The following TTN variants were observed in gnomAD, a reference collection of about 807,000 sequenced individuals.
TTN encodes titin, also known as connectin.
Under a neutral mutation model 3,223.0 loss-of-function variants are expected in TTN, and 1,525 were observed. The observed-to-expected ratio is 0.47, with a 90% CI of 0.45 to 0.49. TTN has a LOEUF of 0.49. Ranked by LOEUF, TTN falls within the 20% of genes least tolerant of loss-of-function variation. The pLI is 0.00. For synonymous variants in TTN, 14,094 were observed against 15,161.0 expected, an observed-to-expected ratio of 0.93 and a Z score of 5.17; for missense variants, 40,786 against 43,424.0, an observed-to-expected ratio of 0.94 and a Z score of 5.40.
intron 45 of TTN, 54 bp downstream of exon 45, chr2:178,757,488 T>C (rs146021726): frequency 6.0e-6 from 9 of 1,488,042 alleles, no homozygotes; most frequent in Non-Finnish European, 8.0e-6. Flanking sequence ...TTAGTAACAG[T>C]GGGACTGAGA....
intron 88 of TTN, among the ~76,000 whole-genome samples, chr2:178,716,035 C>T (rs1490695991): frequency 1.3e-5 from 2 of 152,068 alleles, no homozygotes; most frequent in Non-Finnish European, 2.9e-5. Flanking sequence ...CCATCCTCTC[C>T]CCAGCAAAAG....
In TTN at chr2:178,589,515, T is replaced by G; in HGVS notation, c.62210A>C (p.Gln20737Pro). The change falls in exon 304 of 363, where the codon CAG (glutamine) becomes CCG (proline). Residue 20737 changes from glutamine (Q) to proline (P), a missense_variant. By Grantham distance (76) the Gln-to-Pro change is moderately conservative. Transcript: ENST00000589042. The stretch of plus-strand genomic sequence containing the variant: ...TGTTTGCACTCTGAACTCATAAATC[T>G]GGTTTTCAACACATCTGTCAACCAT... ...HYMVDRCVENQIYEFRVQTKN... is the reference protein window; with the variant it reads ...HYMVDRCVENPIYEFRVQTKN... 6.2e-7 allele frequency: 1 copy of G among 1,613,428 alleles called. No individual in the cohort carries two copies. Among genetic ancestry groups the G allele is most frequent in the Non-Finnish European group, 8.5e-7 (1 of 1,179,612 alleles).
At position 178,553,158 on chromosome 2, in the gene TTN, T is replaced by C. The variant is rs1230340692; in HGVS notation, c.89742A>G (p.Ile29914Met). ...ACTTAGGTTCACCAACTCCATTTTC[T>C]ATTGTGAGAATATATTTTCCTGTAT... ...RNDTGKYILT[I>M]ENGVGEPKSS... Residue 29914 changes from isoleucine (I) to methionine (M), a missense_variant, in exon 335 of 363, where the codon ATA becomes ATG. Physicochemically the swap from Ile to Met is conservative, Grantham distance 10 (BLOSUM62 1). Coordinates refer to ENST00000589042, the MANE Select transcript of TTN (RefSeq NM_001267550.2). 5 of 1,613,508 alleles carry C rather than the reference T, an allele frequency of 3.1e-6. No homozygotes were observed. Among genetic ancestry groups the C allele is most frequent in the Non-Finnish European group, 4.2e-6 (5 of 1,179,480 alleles).
In TTN at chr2:178,556,459, A is replaced by AAACAAACAAAC. The variant is rs1427180876; in HGVS notation, c.88306+388_88306+389insGTTTGTTTGTT. 47 of 203,512 alleles carry AAACAAACAAAC rather than the reference A, an allele frequency of 2.3e-4. No homozygotes were observed. The East Asian group carries it at 2.7e-3, about 12-fold the overall frequency. The allele number at this position is 203,512 out of a possible 1,614,324, so 12.6% of individuals were successfully genotyped here. On this transcript the variant is annotated intron_variant, in intron 330 of 362. Transcript: ENST00000589042. The stretch of plus-strand genomic sequence containing the variant: ...ACAAACAAACAAACAAACAAACAAA[A>AAACAAACAAAC]AAAAAAAAACCAAAAAATGAAGTCT...
In TTN at chr2:178,740,144, G is replaced by A. The variant is rs555324138; in HGVS notation, c.13089C>T (p.Pro4363=). The part of the protein sequence containing the change: ...PDQIIESKRE[P]VAIKKVQEVQ... The stretch of plus-strand genomic sequence containing the variant: ...CCTCCTGCACTTTCTTTATTGCCAC[G>A]GGCTCTCTTTTAGACTCAATGATTT... Residue 4363 remains proline (P), a synonymous_variant, in exon 48 of 363, where the codon CCC becomes CCT. Transcript: ENST00000589042. 24 of 1,613,722 alleles carry A rather than the reference G, an allele frequency of 1.5e-5. No homozygotes were observed. The East Asian group carries it at 1.6e-4, about 10-fold the overall frequency.
In TTN at chr2:178,732,438, A is replaced by C. The variant is rs2080718273; in HGVS notation, c.16621+2T>G. On this transcript the variant is annotated splice_donor_variant, in intron 56 of 362. Coordinates refer to ENST00000589042, the MANE Select transcript of TTN (RefSeq NM_001267550.2). LOFTEE classifies it high-confidence loss of function. ...CAAAGATGTCAAGAAAACAATGCAA[A>C]CCTTTTACAAACAAGTTTGCACTGC... 6.3e-7 allele frequency: 1 copy of C among 1,596,198 alleles called. No individual in the cohort carries two copies. Among genetic ancestry groups the C allele is most frequent in the African/African-American group, 1.4e-5 (1 of 74,004 alleles).
chr2:178,605,724 A>C lies in TTN; in HGVS notation c.53582-11T>G, dbSNP rs1415839518. On this transcript the variant is annotated splice_polypyrimidine_tract_variant and intron_variant, in intron 278 of 362. Transcript: ENST00000589042. ...GAGATGTTGGAGGACCTTTAGCCAGAGGCAAGTGAAAATGATTAGCATGAG... is the reference window on the plus strand; with the variant it reads ...GAGATGTTGGAGGACCTTTAGCCAGCGGCAAGTGAAAATGATTAGCATGAG... 2.7e-6 allele frequency: 4 copies of C among 1,460,928 alleles called. No individual in the cohort carries two copies. The highest frequency in any genetic ancestry group is 3.6e-6 in the Non-Finnish European group (4 of 1,102,056). The allele number at this position is 1,460,928 out of a possible 1,614,324, so 90.5% of individuals were successfully genotyped here.
Position 178,568,259 on chromosome 2 carries a change from C to A in TTN, c.77873G>T (p.Gly25958Val). The change falls in exon 326 of 363, where the codon GGT (glycine) becomes GTT (valine). Residue 25958 changes from glycine (G) to valine (V), a missense_variant. Coordinates refer to ENST00000589042, the MANE Select transcript of TTN (RefSeq NM_001267550.2). ...TTLKVTKLKT[G>V]TEYQFRIFAE... is the part of the protein sequence containing the mutation. The stretch of plus-strand genomic sequence containing the variant: ...AAATATTCTAAATTGGTATTCTGTA[C>A]CAGTTTTCAGTTTGGTCACTTTGAG... The A allele has an allele frequency of 6.2e-7, 1 of 1,613,488 alleles. No homozygotes were observed. The highest frequency in any genetic ancestry group is 8.5e-7 in the Non-Finnish European group (1 of 1,179,606).
Position 178,717,319 on chromosome 2 carries a change from C to G in TTN, c.25415G>C (p.Ser8472Thr), listed in dbSNP as rs374912661. Residue 8472 changes from serine to threonine, a missense_variant, in exon 88 of 363, where the codon AGT (serine) becomes ACT (threonine). Coordinates refer to ENST00000589042, the MANE Select transcript of TTN (RefSeq NM_001267550.2). ...PVSVDLALGE[S>T]GTFKCHVTGT... ...AGTTACATGACATTTAAAAGTACCA[C>G]TTTCTCCAAGAGCAAGATCTACTGA... 36 of 1,613,500 alleles carry G rather than the reference C, an allele frequency of 2.2e-5. No individual in the cohort carries two copies. Among genetic ancestry groups the G allele is most frequent in the Admixed American group, 5.0e-5 (3 of 59,988 alleles).
In TTN at chr2:178,569,939, T is replaced by A; in HGVS notation, c.76193A>T (p.Lys25398Met). The change falls in exon 326 of 363, where the codon AAG becomes ATG. Residue 25398 changes from lysine (K) to methionine (M), a missense_variant. Coordinates refer to ENST00000589042, the MANE Select transcript of TTN (RefSeq NM_001267550.2). ...TGGTTTATAAATAGGATCACAAGCC[T>A]TTTGGTAAGCAGAAGGAGGGCTTGG... ...SEPSPPSAYQ[K>M]ACDPIYKPGP... The A allele has an allele frequency of 6.2e-7, 1 of 1,612,918 alleles. No homozygotes were observed. The highest frequency in any genetic ancestry group is 8.5e-7 in the Non-Finnish European group (1 of 1,179,306).
In TTN at chr2:178,672,494, A is replaced by C. The variant is rs1233248411; in HGVS notation, c.34856-13T>G. 2.5e-6 allele frequency: 4 copies of C among 1,601,994 alleles called. No homozygotes were observed. Among genetic ancestry groups the C allele is most frequent in the East Asian group, 2.2e-5 (1 of 44,812 alleles). On this transcript the variant is annotated splice_polypyrimidine_tract_variant and intron_variant, in intron 153 of 362. Transcript: ENST00000589042. ...GGTACTTCAGGCACTTTAAAGATACAGTTTTAATATTTAGGACTGTCGAGA... is the reference window on the plus strand; with the variant it reads ...GGTACTTCAGGCACTTTAAAGATACCGTTTTAATATTTAGGACTGTCGAGA...
intron 354 of TTN, 190 bp from the exon 355 acceptor site, chr2:178,538,107 A>G (rs1325964242): frequency 1.5e-5 from 9 of 601,890 alleles, no homozygotes; most frequent in South Asian, 4.7e-5. Context: ...CAATGAGCAC[A>G]TCGTCACATT....
intron 356 of TTN, 162 bp from the exon 357 acceptor site, chr2:178,536,737 C>A: frequency 1.2e-6 from 1 of 808,392 alleles, no homozygotes; most frequent in Non-Finnish European, 1.8e-6. Context: ...TATCAAAAAC[C>A]AAAGTTCTAT....
chr2:178,652,990 T>C, intron 199 of TTN, 51 bp downstream of exon 199: 1 of 1,605,134 alleles, frequency 6.2e-7, no homozygotes, highest in Non-Finnish European at 8.5e-7. Flanking sequence ...AAAAGTATTT[T>C]CAAGAAATGA....
intron 47 of TTN, 58 bp from the exon 48 acceptor site, chr2:178,741,979 G>T: frequency 8.1e-6 from 10 of 1,235,934 alleles, no homozygotes; most frequent in Non-Finnish European, 1.0e-5. Flanking sequence ...TATAAAAATA[G>T]AAATCAAAGA....
At chr2:178,699,578 AT>A (rs1353800185) in intron 111 of TTN, among the ~76,000 whole-genome samples, 54 of 142,958 alleles carry the variant, frequency 3.8e-4, no homozygotes, top group African/African-American at 1.4e-3. Flanking sequence ...CGCCCGGCTA[AT>A]TTTTTGTATT....
chr2:178,751,529 A>G lies in TTN; in HGVS notation c.11311+1595T>C, dbSNP rs544048014. The stretch of plus-strand genomic sequence containing the variant: ...CTTTATCCTATCTTCTCCCCTTTCA[A>G]CTAAAGCCTCCACATTTTCATGTGT... On this transcript the variant is annotated intron_variant, in intron 47 of 362. Transcript: ENST00000589042. 10 of 1,613,400 alleles carry G rather than the reference A, an allele frequency of 6.2e-6. No homozygotes were observed. The East Asian group carries it at 1.6e-4, about 25-fold the overall frequency.
intron 294 of TTN, 64 bp downstream of exon 294, chr2:178,597,474 C>G: frequency 6.6e-7 from 1 of 1,519,408 alleles, no homozygotes; most frequent in Non-Finnish European, 8.9e-7. Context: ...TACAGCATAG[C>G]TTTGTGTAAA....
chr2:178,613,181 A>G lies in TTN; in HGVS notation c.49628T>C (p.Ile16543Thr), dbSNP rs753250455. The change falls in exon 264 of 363, where the codon ATC becomes ACC. Residue 16543 changes from isoleucine to threonine, a missense_variant. Transcript: ENST00000589042. Reference protein sequence around the residue: ...PGKPSKSTEPILIKDPIDPPW... With the variant: ...PGKPSKSTEPTLIKDPIDPPW... ...AATACCTATGGGATCCTTTATTAAG[A>G]TTGGTTCAGTTGATTTGCTTGGTTT... 5 of 1,610,612 alleles carry G rather than the reference A, an allele frequency of 3.1e-6. No individual in the cohort carries two copies. The East Asian group carries it at 1.1e-4, about 36-fold the overall frequency.
Sources: gnomAD v4.1 joint callset for allele counts (sites outside exome capture counted in the v4.1 genomes callset) on GRCh38, gnomAD v4.1.1 for gene constraint, MANE v1.5 for transcripts, NCBI Gene and HGNC (gene_info 2026-07-23, HGNC 2026-07-21) for gene names.